ZNF736: variants seen among roughly 807,000 people sequenced by gnomAD.
ZNF736 encodes zinc finger protein 736, also known as KRAB-containing zinc-finger repressor protein.
ZNF736 carries 6 observed loss-of-function variants against 11.7 expected under a neutral mutation model. The ratio of observed to expected loss-of-function variants is 0.51; its 90% CI spans 0.28 to 1.01. ZNF736 has a LOEUF of 1.01. Ranked by LOEUF, ZNF736 falls within the 50% of genes least tolerant of loss-of-function variation. ZNF736 has a pLI of 0.09. For synonymous variants in ZNF736, 139 were observed against 164.7 expected (o/e 0.84, Z 1.19); for missense variants, 444 against 496.0 (o/e 0.90, Z 1.00).
chr7:64,327,711 G>GT (rs1450469677), intron 1 of ZNF736, among the ~76,000 whole-genome samples: 2 of 151,954 alleles, frequency 1.3e-5, no homozygotes, highest in African/African-American at 4.8e-5. Flanking sequence ...TCTATTACAG[G>GT]TTTTTTATTT....
intron 1 of ZNF736, among the ~76,000 whole-genome samples, chr7:64,321,521 A>G (rs1789001222): frequency 6.6e-6 from 1 of 152,222 alleles, no homozygotes; most frequent in Non-Finnish European, 1.5e-5. Context: ...TAGCAGAGAA[A>G]GCAGTTAAAA....
At chr7:64,334,089 A>G (rs940797152) in intron 1 of ZNF736, among the ~76,000 whole-genome samples, 5 of 152,254 alleles carry the variant, frequency 3.3e-5, no homozygotes, top group Admixed American at 1.3e-4. Context: ...CTGGCTGGCC[A>G]TATGCAGAAA....
intron 1 of ZNF736, among the ~76,000 whole-genome samples, chr7:64,327,772 CG>C (rs1354710914): frequency 6.6e-6 from 1 of 152,004 alleles, no homozygotes; most frequent in Non-Finnish European, 1.5e-5. Flanking sequence ...TTATTTTAAA[CG>C]GATGGCAACT....
rs1173023799 is a variant in ZNF736, at chr7:64,354,244, T to C, written c.*5097T>C. 2.6e-5 allele frequency: 4 copies of C among 152,224 alleles called. No homozygotes were observed. Among genetic ancestry groups the C allele is most frequent in the African/African-American group, 4.8e-5 (2 of 41,478 alleles). The allele number at this position is 152,224 out of a possible 1,614,324, so 9.4% of individuals were successfully genotyped here. ...TCTGTTGAACATATGACTTCTCTGG[T>C]CTGCTAAACACATACAGACCTTTAG... On this transcript the variant is annotated 3_prime_UTR_variant, in exon 4 of 4. Coordinates refer to ENST00000423484, the MANE Select transcript of ZNF736 (RefSeq NM_001170905.3).
chr7:64,339,476 G>A (rs1259108151), intron 3 of ZNF736, among the ~76,000 whole-genome samples: 2 of 151,950 alleles, frequency 1.3e-5, no homozygotes, highest in African/African-American at 2.4e-5. Flanking sequence ...TAAGAAAAGT[G>A]GTCTAATTTT....
chr7:64,331,555 T>C (rs1789166369), intron 1 of ZNF736, among the ~76,000 whole-genome samples: 1 of 152,198 alleles, frequency 6.6e-6, no homozygotes, highest in Admixed American at 6.5e-5. Context: ...ATGAAGATGC[T>C]TCTTATTTGG....
intron 1 of ZNF736, among the ~76,000 whole-genome samples, chr7:64,325,075 G>T (rs1159720546): frequency 6.6e-6 from 1 of 151,712 alleles, no homozygotes; most frequent in Non-Finnish European, 1.5e-5. Context: ...TTTCGTTATA[G>T]ATTAACCTCC....
Position 64,320,276 on chromosome 7 carries a change from G to A in ZNF736, c.3+6123G>A, listed in dbSNP as rs186406554. On this transcript the variant is annotated intron_variant, in intron 1 of 3. Transcript: ENST00000423484. Reference sequence around the variant, plus strand: ...CATTTTTTAGTATCTCAGCTTCTCAGTTTACCATCTACCCACAAAGGCCAG... The same window carrying A: ...CATTTTTTAGTATCTCAGCTTCTCAATTTACCATCTACCCACAAAGGCCAG... 2.6e-3 allele frequency among the ~76,000 whole-genome samples: 389 copies of A among 152,262 alleles called. 2 individuals carry two copies. Among genetic ancestry groups the A allele is most frequent in the African/African-American group, 9.1e-3 (378 of 41,554 alleles).
intron 1 of ZNF736, among the ~76,000 whole-genome samples, chr7:64,315,029 C>T (rs538388489): frequency 5.3e-5 from 8 of 152,190 alleles, no homozygotes; most frequent in African/African-American, 1.9e-4. Flanking sequence ...TGGTATTGTC[C>T]TCTCAATAGT....
At chr7:64,341,599 C>T (rs1337969657) in intron 3 of ZNF736, among the ~76,000 whole-genome samples, 1 of 152,146 alleles carries the variant, frequency 6.6e-6, no homozygotes, top group Non-Finnish European at 1.5e-5. Flanking sequence ...CATTCACCTT[C>T]TAGCAGATAC....
Position 64,355,225 on chromosome 7 carries a change from G to T in ZNF736, c.*6078G>T. 1 of 173,488 alleles carries T rather than the reference G, an allele frequency of 5.8e-6. No individual in the cohort carries two copies. Among genetic ancestry groups the T allele is most frequent in the South Asian group, 1.7e-4 (1 of 5,952 alleles). The allele number at this position is 173,488 out of a possible 1,614,324, so 10.7% of individuals were successfully genotyped here. A position where few individuals can be genotyped will look rare whatever the true frequency, so the allele number is the denominator to read the frequency against. ...CTATGCAGTCAAACCTGGAATTGCT[G>T]ACACAGGTTAAGAGTATGCACCACA... On this transcript the variant is annotated 3_prime_UTR_variant, in exon 4 of 4. Transcript: ENST00000423484.
At chr7:64,335,178 A>G (rs1402854332) in intron 1 of ZNF736, among the ~76,000 whole-genome samples, 2 of 152,172 alleles carry the variant, frequency 1.3e-5, no homozygotes, top group African/African-American at 4.8e-5. Context: ...GCAATAGGAC[A>G]AATACCTAAT....
At chr7:64,322,817 T>A (rs1371240297) in intron 1 of ZNF736, among the ~76,000 whole-genome samples, 1 of 152,230 alleles carries the variant, frequency 6.6e-6, no homozygotes, top group African/African-American at 2.4e-5. Flanking sequence ...AATAAGAATA[T>A]GTCAATTATT....
At position 64,350,338 on chromosome 7, in the gene ZNF736, T is replaced by A. The variant is rs1182009989; in HGVS notation, c.*1191T>A. ...CTGAGATTCTTTCCTCTGCTTGGCC[T>A]ATTCTGCTGTTAATATATGTGATTA... On this transcript the variant is annotated 3_prime_UTR_variant, in exon 4 of 4. Coordinates refer to ENST00000423484, the MANE Select transcript of ZNF736 (RefSeq NM_001170905.3). 6.6e-6 allele frequency: 1 copy of A among 152,230 alleles called. No homozygotes were observed. Among genetic ancestry groups the A allele is most frequent in the Non-Finnish European group, 1.5e-5 (1 of 68,048 alleles). 9.4% of individuals were successfully genotyped at this position (152,230 alleles called of 1,614,324 possible). A position where few individuals can be genotyped will look rare whatever the true frequency, so the allele number is the denominator to read the frequency against.
chr7:64,320,995 T>A (rs915070057), intron 1 of ZNF736, among the ~76,000 whole-genome samples: 1 of 152,194 alleles, frequency 6.6e-6, no homozygotes, highest in African/African-American at 2.4e-5. Context: ...GCATGTTACC[T>A]AGAAGGAAAA....
At chr7:64,318,386 A>G (rs1429409688) in intron 1 of ZNF736, among the ~76,000 whole-genome samples, 42 of 152,004 alleles carry the variant, frequency 2.8e-4, no homozygotes, top group Admixed American at 2.8e-3. Flanking sequence ...AACACATTAC[A>G]AAACAATCAG....
chr7:64,334,616 G>A (rs543555338), intron 1 of ZNF736, among the ~76,000 whole-genome samples: 10 of 152,102 alleles, frequency 6.6e-5, no homozygotes, highest in Non-Finnish European at 1.3e-4. Context: ...TTAGAATGGC[G>A]AGCATTAAAA....
At chr7:64,316,462 A>T (rs1788919407) in intron 1 of ZNF736, among the ~76,000 whole-genome samples, 2 of 152,208 alleles carry the variant, frequency 1.3e-5, no homozygotes, top group Non-Finnish European at 2.9e-5. Context: ...GGAAAGATCC[A>T]CTCTAGTGAG....
chr7:64,342,574 TTAA>T (rs1789353967), intron 3 of ZNF736, among the ~76,000 whole-genome samples: 1 of 152,122 alleles, frequency 6.6e-6, no homozygotes, highest in Non-Finnish European at 1.5e-5. Context: ...TACCTATTTC[TTAA>T]TAACTATTAT....
Sources: allele counts gnomAD v4.1 joint callset (sites outside exome capture counted in the v4.1 genomes callset), GRCh38; gene constraint gnomAD v4.1.1; transcripts MANE v1.5; gene names NCBI Gene and HGNC (gene_info 2026-07-23, HGNC 2026-07-21).